SOX5: variants seen among roughly 807,000 people sequenced by gnomAD.
SOX5 encodes the protein transcription factor SOX-5.
In SOX5, 9 loss-of-function variants were observed where a neutral mutation model predicts 92.0. That is an observed-to-expected ratio of 0.10 (90% CI 0.06 to 0.17). The LOEUF (loss-of-function observed/expected upper bound fraction) is 0.17. Ranked by LOEUF, SOX5 falls within the 10% of genes least tolerant of loss-of-function variation. SOX5 has a pLI of 1.00. For synonymous variants in SOX5, 344 were observed against 336.3 expected, an observed-to-expected ratio of 1.02 and a Z score of -0.25; for missense variants, 642 against 944.5, an observed-to-expected ratio of 0.68 and a Z score of 4.20.
intron 2 of SOX5, among the ~76,000 whole-genome samples, chr12:23,865,600 G>A (rs575975918): frequency 2.4e-4 from 36 of 151,374 alleles, no homozygotes; most frequent in African/African-American, 8.0e-4. Flanking sequence ...ACTTGAACCC[G>A]GGAGGCGGAG....
At chr12:24,265,671 T>C (rs1194195529) in intron 3 of SOX5, among the ~76,000 whole-genome samples, 1 of 152,194 alleles carries the variant, frequency 6.6e-6, no homozygotes, top group Non-Finnish European at 1.5e-5. Context: ...AAACATACAA[T>C]TGAGAAGAAT....
At chr12:24,063,727 T>A (rs1940161806) in intron 4 of SOX5, among the ~76,000 whole-genome samples, 1 of 152,148 alleles carries the variant, frequency 6.6e-6, no homozygotes, top group South Asian at 2.1e-4. Context: ...AATTTTCAAC[T>A]AATACACATA....
At chr12:23,889,017 C>G (rs893683359) in intron 2 of SOX5, among the ~76,000 whole-genome samples, 1 of 152,168 alleles carries the variant, frequency 6.6e-6, no homozygotes, top group Non-Finnish European at 1.5e-5. Context: ...TATACTGCCA[C>G]ACTGCACATA....
chr12:23,923,485 A>G (rs1478122731), intron 1 of SOX5, among the ~76,000 whole-genome samples: 2 of 152,200 alleles, frequency 1.3e-5, no homozygotes, highest in Non-Finnish European at 2.9e-5. Flanking sequence ...ATTATTTAAT[A>G]AACATCACTT....
At chr12:24,327,465 G>C (rs1477647251) in intron 2 of SOX5, among the ~76,000 whole-genome samples, 17 of 129,418 alleles carry the variant, frequency 1.3e-4, no homozygotes, top group Non-Finnish European at 1.9e-4. Context: ...GTCCAGCCTG[G>C]AGTGCAACAG....
intron 2 of SOX5, among the ~76,000 whole-genome samples, chr12:23,889,582 TA>T (rs1400708753): frequency 3.9e-5 from 6 of 152,194 alleles, no homozygotes; most frequent in Non-Finnish European, 7.3e-5. Flanking sequence ...AAAGCCTCTC[TA>T]TCATGTGCAT....
At chr12:24,277,446 T>TTATATATATGTAAATTTACATTTAAATA in intron 2 of SOX5, 1 of 99,498 alleles carries the variant, frequency 1.0e-5, no homozygotes, top group East Asian at 2.7e-4. Context: ...TGATAAACCA[T>TTATATATATGTAAATTTACATTTAAATA]TATATATATG....
At chr12:23,927,964 AG>A (rs1374612892) in intron 1 of SOX5, among the ~76,000 whole-genome samples, 1 of 152,130 alleles carries the variant, frequency 6.6e-6, no homozygotes, top group Admixed American at 6.6e-5. Context: ...AGTAGCCATT[AG>A]ATGGCTATGA....
At chr12:23,603,991 A>T (rs1368369262) in intron 9 of SOX5, 2 of 165,366 alleles carry the variant, frequency 1.2e-5, no homozygotes, top group Non-Finnish European at 2.7e-5. Flanking sequence ...CCTGAAGATG[A>T]TCTCTGCCTC....
rs74070905 is a variant in SOX5 at position 24,495,291 on chromosome 12, T to A, written c.-251+67038A>T. Among the ~76,000 whole-genome samples, 620 of 152,320 alleles carry A rather than the reference T, an allele frequency of 4.1e-3. 3 individuals carry two copies. Among genetic ancestry groups the A allele is most frequent in the African/African-American group, 0.014 (578 of 41,558 alleles). On this transcript the variant is annotated intron_variant, in intron 1 of 4. Transcript: ENST00000446891. ...TAAGTAAGATATGGATCCAGTGTGT[T>A]AGAAACTTAATCTAATCAAAGAGAA... is the stretch of plus-strand genomic sequence containing the variant.
At chr12:24,503,852 T>C (rs1487976356) in intron 1 of SOX5, among the ~76,000 whole-genome samples, 1 of 152,030 alleles carries the variant, frequency 6.6e-6, no homozygotes, top group Non-Finnish European at 1.5e-5. Context: ...AGGGATAGCA[T>C]TAGAAGAAAT....
chr12:24,134,765 A>G (rs1458310155), intron 4 of SOX5, among the ~76,000 whole-genome samples: 1 of 152,232 alleles, frequency 6.6e-6, no homozygotes, highest in East Asian at 1.9e-4. Context: ...TGCCCAAAGG[A>G]AAAGTAAAAA....
At chr12:23,833,889 G>A (rs570017364) in intron 3 of SOX5, among the ~76,000 whole-genome samples, 46 of 151,996 alleles carry the variant, frequency 3.0e-4, no homozygotes, top group African/African-American at 1.0e-3. Context: ...CACCTAGTCA[G>A]TTTGTAGGGG....
chr12:23,940,290 A>T (rs1466200680), intron 1 of SOX5, among the ~76,000 whole-genome samples: 2 of 151,200 alleles, frequency 1.3e-5, no homozygotes, highest in Non-Finnish European at 3.0e-5. Context: ...CCTAATCCTA[A>T]ATAAGAATTA....
At chr12:24,314,693 C>T (rs1283038419) in intron 2 of SOX5, among the ~76,000 whole-genome samples, 1 of 152,136 alleles carries the variant, frequency 6.6e-6, no homozygotes, top group African/African-American at 2.4e-5. Context: ...ACCTTCTGAC[C>T]ATATGTCCTT....
At chr12:24,549,759 C>G (rs368716833) in intron 1 of SOX5, among the ~76,000 whole-genome samples, 1 of 152,160 alleles carries the variant, frequency 6.6e-6, no homozygotes, top group African/African-American at 2.4e-5. Flanking sequence ...CTCTTAGAAA[C>G]CAGACTTAAG....
At chr12:24,506,782 G>GTTTTTTTTTTTTTTTTTTTTTTTT (rs1386116375) in intron 1 of SOX5, among the ~76,000 whole-genome samples, 1 of 80,274 alleles carries the variant, frequency 1.2e-5, no homozygotes, top group African/African-American at 5.1e-5. Context: ...TATCCAAATG[G>GTTTTTTTTTTTTTTTTTTTTTTTT]TCTTTTTTTT....
chr12:24,508,193 T>C (rs1948982069), intron 1 of SOX5, among the ~76,000 whole-genome samples: 1 of 152,032 alleles, frequency 6.6e-6, no homozygotes, highest in South Asian at 2.1e-4. Context: ...GTCTAGACCA[T>C]CACTCTAGCA....
intron 4 of SOX5, among the ~76,000 whole-genome samples, chr12:24,061,123 T>G (rs1273719578): frequency 2.0e-5 from 3 of 152,210 alleles, no homozygotes; most frequent in East Asian, 3.9e-4. Context: ...CCTCCTTTTT[T>G]TTTTGTAATT....
Sources: gnomAD v4.1 joint callset for allele counts (sites outside exome capture counted in the v4.1 genomes callset) on GRCh38, gnomAD v4.1.1 for gene constraint, MANE v1.5 for transcripts, NCBI Gene and HGNC (gene_info 2026-07-23, HGNC 2026-07-21) for gene names.